PTPRG: variants seen among roughly 807,000 people sequenced by gnomAD.
PTPRG encodes the protein protein tyrosine phosphatase receptor type G.
Under a neutral mutation model 165.3 loss-of-function variants are expected in PTPRG, and 102 were observed. The observed-to-expected ratio is 0.62, with a 90% confidence interval of 0.53 to 0.73. PTPRG has a LOEUF of 0.73. Ranked by LOEUF, PTPRG falls within the 30% of genes least tolerant of loss-of-function variation. PTPRG has a pLI of 0.00. For synonymous variants in PTPRG, 675 were observed against 669.5 expected, an observed-to-expected ratio of 1.01 and a Z score of -0.13; for missense variants, 1,866 against 1,861.4, an observed-to-expected ratio of 1.00 and a Z score of -0.05.
At chr3:62,230,203 A>C (rs542193465) in intron 13 of PTPRG, among the ~76,000 whole-genome samples, 275 of 152,282 alleles carry the variant, frequency 1.8e-3, no homozygotes, top group African/African-American at 6.3e-3. Flanking sequence ...CCCAATATGG[A>C]GTCTAATAAT....
chr3:62,040,441 C>T (rs997042873), intron 4 of PTPRG, among the ~76,000 whole-genome samples: 3 of 152,128 alleles, frequency 2.0e-5, no homozygotes, highest in East Asian at 1.9e-4. Context: ...AGAGTTTATT[C>T]GAAGTTGCAC....
intron 2 of PTPRG, among the ~76,000 whole-genome samples, chr3:61,946,246 T>G (rs572760671): frequency 1.6e-4 from 24 of 152,184 alleles, no homozygotes; most frequent in Non-Finnish European, 2.5e-4. Flanking sequence ...TTCTATCAAA[T>G]GTGTGATCAA....
At chr3:62,103,383 A>G (rs1702360686) in intron 5 of PTPRG, among the ~76,000 whole-genome samples, 1 of 150,560 alleles carries the variant, frequency 6.6e-6, no homozygotes, top group South Asian at 2.1e-4. Flanking sequence ...CTCCTCCCAC[A>G]TGTCTAACTA....
In PTPRG at chr3:61,989,693, G is replaced by A. The variant is rs760096756; in HGVS notation, c.259G>A (p.Asp87Asn). Reference sequence around the variant, plus strand: ...TGGGGGCCGTCACCAGTCTCCTATTGACATTTTAGACCAGTATGCGCGTGT... The same window carrying A: ...TGGGGGCCGTCACCAGTCTCCTATTAACATTTTAGACCAGTATGCGCGTGT... ...SCGGRHQSPI[D>N]ILDQYARVGE... Residue 87 changes from aspartate (D) to asparagine (N), a missense_variant, in exon 3 of 30, where the codon GAC (aspartate) becomes AAC (asparagine). By Grantham distance (23) the Asp-to-Asn change is conservative. Around this residue, in one of 3 missense-constraint regions of PTPRG, gnomAD observed 408 missense variants for 376.2 expected, o/e 1.08. Coordinates refer to ENST00000474889, the MANE Select transcript of PTPRG (RefSeq NM_002841.4). 20 of 1,613,974 alleles carry A rather than the reference G, an allele frequency of 1.2e-5. No individual in the cohort carries two copies. The highest frequency in any genetic ancestry group is 1.6e-5 in the Non-Finnish European group (19 of 1,180,012).
chr3:61,633,559 C>T (rs994372844), intron 1 of PTPRG, among the ~76,000 whole-genome samples: 2 of 152,080 alleles, frequency 1.3e-5, no homozygotes, highest in Non-Finnish European at 1.5e-5. Flanking sequence ...TTGATGAACT[C>T]GTTTATGATC....
chr3:61,623,312 A>G (rs1701513038), intron 1 of PTPRG, among the ~76,000 whole-genome samples: 1 of 152,192 alleles, frequency 6.6e-6, no homozygotes, highest in South Asian at 2.1e-4. Context: ...TCCTTGGGCG[A>G]GGTTCTGATC....
intron 1 of PTPRG, among the ~76,000 whole-genome samples, chr3:61,714,059 C>A (rs953582048): frequency 6.6e-6 from 1 of 152,090 alleles, no homozygotes; most frequent in African/African-American, 2.4e-5. Context: ...TCTCCAAAAT[C>A]CTTTCTAATA....
chr3:61,884,883 A>G (rs2037986014), intron 2 of PTPRG, among the ~76,000 whole-genome samples: 1 of 152,182 alleles, frequency 6.6e-6, no homozygotes, highest in Non-Finnish European at 1.5e-5. Flanking sequence ...ACAGATTTAA[A>G]ATTCCCCTAG....
At position 61,665,469 on chromosome 3, in the gene PTPRG, TACAC is replaced by T. The variant is rs10662394; in HGVS notation, c.86-83377_86-83374del. 4.0e-3 allele frequency among the ~76,000 whole-genome samples: 576 copies of T among 144,010 alleles called. 12 individuals are homozygous for T. Among genetic ancestry groups the T allele is most frequent in the South Asian group, 0.013 (59 of 4,426 alleles). 94.5% of individuals were successfully genotyped at this position (144,010 alleles called of 152,430 possible). On this transcript the variant is annotated intron_variant, in intron 1 of 29. Transcript: ENST00000474889. ...GCTAAGATGGTGAATTGTAAATAAA[TACAC>T]ACACACACACACACACACACACACA... is the stretch of plus-strand genomic sequence containing the variant.
chr3:62,016,798 C>A (rs934901160), intron 4 of PTPRG, among the ~76,000 whole-genome samples: 2 of 152,114 alleles, frequency 1.3e-5, no homozygotes, highest in Admixed American at 6.5e-5. Flanking sequence ...CTTCTACTCT[C>A]CCTCATTCAC....
At chr3:62,211,921 G>C (rs746032685) in intron 12 of PTPRG, among the ~76,000 whole-genome samples, 18 of 151,508 alleles carry the variant, frequency 1.2e-4, no homozygotes, top group Non-Finnish European at 2.5e-4. Context: ...CATTAATTCA[G>C]TGATGACATA....
chr3:61,572,045 G>A (rs114568249), intron 1 of PTPRG, among the ~76,000 whole-genome samples: 2,064 of 152,268 alleles, frequency 0.014, 45 homozygotes, highest in African/African-American at 0.046. Flanking sequence ...TCTTTTTGCA[G>A]TATGCAAGTC....
At chr3:61,794,309 T>C (rs953891467) in intron 2 of PTPRG, among the ~76,000 whole-genome samples, 3 of 152,204 alleles carry the variant, frequency 2.0e-5, no homozygotes, top group Non-Finnish European at 4.4e-5. Context: ...TTCTTGTCTT[T>C]ATTTTTCTAT....
chr3:62,021,428 G>T (rs1463556963), intron 4 of PTPRG, among the ~76,000 whole-genome samples: 1 of 152,160 alleles, frequency 6.6e-6, no homozygotes, highest in African/African-American at 2.4e-5. Flanking sequence ...ACATTAGTCA[G>T]AACATCTGAC....
chr3:62,279,033 C>G (rs1159314319), intron 26 of PTPRG, among the ~76,000 whole-genome samples: 1 of 152,028 alleles, frequency 6.6e-6, no homozygotes, highest in Non-Finnish European at 1.5e-5. Context: ...CTCAGTGTCT[C>G]TCTGAGGCCT....
intron 1 of PTPRG, among the ~76,000 whole-genome samples, chr3:61,743,806 T>C (rs943829116): frequency 2.6e-5 from 4 of 152,224 alleles, no homozygotes; most frequent in African/African-American, 4.8e-5. Context: ...TTTACACTTA[T>C]TGTCTATTCT....
Position 62,026,177 on chromosome 3 carries a change from C to G in PTPRG, c.519+22680C>G, listed in dbSNP as rs369851489. Among the ~76,000 whole-genome samples, 4 of 152,266 alleles carry G rather than the reference C, an allele frequency of 2.6e-5. No homozygotes were observed. The South Asian group carries it at 6.2e-4, about 24-fold the overall frequency. On this transcript the variant is annotated intron_variant, in intron 4 of 29. Transcript: ENST00000474889. Reference sequence around the variant, plus strand: ...GAATTGATTTCTTAGGCTGAAGCAGCTTTTATCACATACAAGGGTTTGATG... The same window carrying G: ...GAATTGATTTCTTAGGCTGAAGCAGGTTTTATCACATACAAGGGTTTGATG...
At chr3:62,184,159 G>T (rs1047559847) in intron 8 of PTPRG, among the ~76,000 whole-genome samples, 1 of 152,208 alleles carries the variant, frequency 6.6e-6, no homozygotes, top group Non-Finnish European at 1.5e-5. Context: ...TATGCGTTGT[G>T]TGCGGGGGAT....
intron 2 of PTPRG, among the ~76,000 whole-genome samples, chr3:61,976,050 AC>A (rs1219549237): frequency 2.6e-5 from 4 of 152,100 alleles, no homozygotes; most frequent in African/African-American, 9.7e-5. Context: ...GTCCCTTGTT[AC>A]CTACTGTTGG....
Sources: gnomAD v4.1 joint callset for allele counts (sites outside exome capture counted in the v4.1 genomes callset) on GRCh38, gnomAD v4.1.1 for gene constraint, gnomAD v4.1.1 regional missense constraint, MANE v1.5 for transcripts, NCBI Gene and HGNC (gene_info 2026-07-23, HGNC 2026-07-21) for gene names.